RSU1: variants seen among roughly 807,000 people sequenced by gnomAD.
RSU1 encodes Ras suppressor protein 1.
In RSU1, 26 loss-of-function variants were observed where a neutral mutation model predicts 31.1. That is an observed-to-expected ratio of 0.84 (90% CI 0.61 to 1.16). The LOEUF (loss-of-function observed/expected upper bound fraction) is 1.16. Among genes scored for constraint, RSU1 ranks in the 50% most tolerant of loss-of-function variants. The probability of loss-of-function intolerance (pLI) is 0.00; values close to 1 mark genes in which losing one functional copy is unlikely to be tolerated. For missense variants in RSU1, 320 were observed against 339.1 expected, an observed-to-expected ratio of 0.94 and a Z score of 0.44; for synonymous variants, 164 against 136.3, an observed-to-expected ratio of 1.20 and a Z score of -1.41.
At chr10:16,734,297 C>G (rs1430868920) in intron 7 of RSU1, among the ~76,000 whole-genome samples, 1 of 152,248 alleles carries the variant, frequency 6.6e-6, no homozygotes, top group African/African-American at 2.4e-5. Context: ...TTTTCCCTTT[C>G]AATACCTATA....
At chr10:16,620,146 G>A (rs944901868) in intron 8 of RSU1, among the ~76,000 whole-genome samples, 1 of 152,132 alleles carries the variant, frequency 6.6e-6, no homozygotes, top group African/African-American at 2.4e-5. Context: ...GCTTTGAGCA[G>A]GTTATTTAAC....
chr10:16,751,352 G>C (rs578243227), intron 7 of RSU1, among the ~76,000 whole-genome samples: 1 of 152,272 alleles, frequency 6.6e-6, no homozygotes, highest in Admixed American at 6.5e-5. Context: ...TTTAACACTA[G>C]CAAGAGAGCT....
intron 8 of RSU1, among the ~76,000 whole-genome samples, chr10:16,687,152 C>T (rs1835454954): frequency 6.6e-6 from 1 of 152,154 alleles, no homozygotes; most frequent in South Asian, 2.1e-4. Flanking sequence ...CAGTGAAAAA[C>T]ACTCCAGAGT....
At chr10:16,614,977 C>T (rs1833951398) in intron 8 of RSU1, among the ~76,000 whole-genome samples, 1 of 152,182 alleles carries the variant, frequency 6.6e-6, no homozygotes, top group African/African-American at 2.4e-5. Flanking sequence ...ACTGCATCAA[C>T]TAATGTGCAA....
intron 8 of RSU1, among the ~76,000 whole-genome samples, chr10:16,630,929 C>T (rs1834235127): frequency 6.6e-6 from 1 of 152,214 alleles, no homozygotes; most frequent in South Asian, 2.1e-4. Context: ...TTCTCTAAAC[C>T]TTCTCACTGC....
intron 5 of RSU1, 151 bp from the exon 6 acceptor site, chr10:16,753,151 C>A: frequency 1.7e-6 from 1 of 604,776 alleles, no homozygotes; most frequent in Non-Finnish European, 3.0e-6. Context: ...ACAAGCAGGT[C>A]AAACTTAGAT....
chr10:16,681,571 A>G (rs1409035204), intron 8 of RSU1, among the ~76,000 whole-genome samples: 2 of 152,240 alleles, frequency 1.3e-5, no homozygotes, highest in Non-Finnish European at 2.9e-5. Context: ...TAAAAAAATA[A>G]TGAATTGATG....
At position 16,752,669 on chromosome 10, in the gene RSU1, C is replaced by T. The variant is rs752796554; in HGVS notation, c.484-16G>A. On this transcript the variant is annotated splice_polypyrimidine_tract_variant and intron_variant, in intron 6 of 8. Coordinates refer to ENST00000345264, the MANE Select transcript of RSU1 (RefSeq NM_012425.4). ...TAAGGCTGAGCTAAACAGAAGAAAA[C>T]AAGTTGTCAACATATTTACACATTA... is the stretch of plus-strand genomic sequence containing the variant. 7.0e-6 allele frequency: 11 copies of T among 1,578,378 alleles called. No individual in the cohort carries two copies. Among genetic ancestry groups the T allele is most frequent in the South Asian group, 3.3e-5 (3 of 90,194 alleles).
intron 3 of RSU1, among the ~76,000 whole-genome samples, chr10:16,776,876 G>T (rs11254176): frequency 6.7e-6 from 1 of 148,592 alleles, no homozygotes; most frequent in South Asian, 2.1e-4. Flanking sequence ...TTGTAAAGAT[G>T]AGATGGCCAT....
At chr10:16,630,674 A>G (rs1038571396) in intron 8 of RSU1, among the ~76,000 whole-genome samples, 4 of 152,206 alleles carry the variant, frequency 2.6e-5, no homozygotes, top group Non-Finnish European at 4.4e-5. Context: ...GGTGCGTTTC[A>G]TGATTCCTTC....
intron 7 of RSU1, chr10:16,748,378 A>T (rs1383618572): frequency 6.8e-6 from 1 of 146,588 alleles, no homozygotes; most frequent in Non-Finnish European, 1.5e-5. Flanking sequence ...CATGTCTTCT[A>T]CTCCTACCTC....
chr10:16,800,248 A>C (rs146699208), intron 2 of RSU1, among the ~76,000 whole-genome samples: 3,509 of 152,302 alleles, frequency 0.023, 59 homozygotes, highest in Non-Finnish European at 0.037. Flanking sequence ...CAAGCAAAAG[A>C]AGCACACTCG....
chr10:16,753,021 T>A (rs767607042), intron 5 of RSU1, 21 bp from the exon 6 acceptor site: 1 of 1,598,580 alleles, frequency 6.3e-7, no homozygotes, highest in South Asian at 1.1e-5. Context: ...AACAGCAATA[T>A]ATAAACAGGG....
At chr10:16,647,539 T>C (rs1187879032) in intron 8 of RSU1, among the ~76,000 whole-genome samples, 1 of 152,162 alleles carries the variant, frequency 6.6e-6, no homozygotes, top group Admixed American at 6.5e-5. Context: ...TAAAACCATA[T>C]AGTATGATGT....
intron 7 of RSU1, among the ~76,000 whole-genome samples, chr10:16,702,376 G>A (rs143742212): frequency 2.0e-4 from 31 of 152,356 alleles, no homozygotes; most frequent in African/African-American, 7.5e-4. Flanking sequence ...TCCACTGACA[G>A]GCTGAACCCT....
intron 7 of RSU1, among the ~76,000 whole-genome samples, chr10:16,706,135 A>G (rs1835896519): frequency 6.6e-6 from 1 of 152,212 alleles, no homozygotes; most frequent in Non-Finnish European, 1.5e-5. Context: ...GACCATTTTC[A>G]ATTATTTCGG....
chr10:16,783,619 G>A (rs1837704771), intron 2 of RSU1, among the ~76,000 whole-genome samples: 1 of 151,388 alleles, frequency 6.6e-6, no homozygotes, highest in Non-Finnish European at 1.5e-5. Flanking sequence ...CTCCCAAAGT[G>A]CTAGGATTAC....
At chr10:16,622,252 T>C (rs566308361) in intron 8 of RSU1, among the ~76,000 whole-genome samples, 2 of 152,366 alleles carry the variant, frequency 1.3e-5, no homozygotes, top group African/African-American at 4.8e-5. Context: ...AACTGGAGGC[T>C]GATGATGACG....
Position 16,592,130 on chromosome 10 carries a change from G to T in RSU1, c.*1264C>A, listed in dbSNP as rs1231509251. 6.7e-6 allele frequency: 1 copy of T among 149,744 alleles called. No homozygotes were observed. Among genetic ancestry groups the T allele is most frequent in the Non-Finnish European group, 1.5e-5 (1 of 67,962 alleles). The allele number at this position is 149,744 out of a possible 1,614,324, so 9.3% of individuals were successfully genotyped here. ...TGGGAGCTCAACTGGGAAGCCGAAA[G>T]GATACAGCAGAGATTTTATATGCCC... On this transcript the variant is annotated 3_prime_UTR_variant, in exon 9 of 9. Transcript: ENST00000345264.
Sources: gnomAD v4.1 joint callset for allele counts (sites outside exome capture counted in the v4.1 genomes callset) on GRCh38, gnomAD v4.1.1 for gene constraint, MANE v1.5 for transcripts, NCBI Gene and HGNC (gene_info 2026-07-23, HGNC 2026-07-21) for gene names.